The following AFF1 variants were observed in gnomAD, a reference collection of about 807,000 sequenced individuals.
AFF1 encodes AF4/FMR2 family member 1.
A neutral mutation model predicts 121.7 loss-of-function variants in AFF1; 48 were observed. The observed-to-expected ratio is 0.39, with a 90% CI of 0.31 to 0.50. The LOEUF (loss-of-function observed/expected upper bound fraction) is 0.50, where lower values mean the gene tolerates loss of function less well. AFF1 is among the 20% of genes least tolerant of loss of function. The probability of loss-of-function intolerance (pLI) is 0.76; values close to 1 mark genes in which losing one functional copy is unlikely to be tolerated. For missense variants in AFF1, 1,523 were observed against 1,511.7 expected, an observed-to-expected ratio of 1.01 and a Z score of -0.12; for synonymous variants, 613 against 563.0, an observed-to-expected ratio of 1.09 and a Z score of -1.26.
intron 4 of AFF1, among the ~76,000 whole-genome samples, chr4:87,060,478 A>T (rs1720626847): frequency 6.6e-6 from 1 of 152,206 alleles, no homozygotes; most frequent in African/African-American, 2.4e-5. Context: ...GGAATGAGTC[A>T]TCCAAATGGG....
chr4:87,033,505 C>T (rs1408539474), intron 2 of AFF1, among the ~76,000 whole-genome samples: 1 of 152,178 alleles, frequency 6.6e-6, no homozygotes, highest in Non-Finnish European at 1.5e-5. Context: ...GAATGTACCT[C>T]ATTCAGTTTG....
intron 2 of AFF1, among the ~76,000 whole-genome samples, chr4:87,027,873 A>G (rs1728686441): frequency 7.1e-6 from 1 of 140,532 alleles, no homozygotes; most frequent in Admixed American, 7.8e-5. Flanking sequence ...GGCCCATTGC[A>G]ACCTCTGCCT....
chr4:87,108,041 T>C, intron 10 of AFF1, 118 bp from the exon 11 acceptor site: 1 of 1,073,460 alleles, frequency 9.3e-7, no homozygotes, highest in Non-Finnish European at 1.3e-6. Context: ...CATGATAGTT[T>C]AGCAGTGTAT....
chr4:86,940,539 C>A (rs974736365), intron 1 of AFF1, among the ~76,000 whole-genome samples: 5 of 152,110 alleles, frequency 3.3e-5, no homozygotes, highest in Non-Finnish European at 1.5e-5. Flanking sequence ...GCTGGGATCA[C>A]AGGCATGTGC....
rs573435524 is a variant in AFF1, at chr4:86,941,137, C to T, written c.-37+5897C>T. 3.3e-5 allele frequency among the ~76,000 whole-genome samples: 5 copies of T among 152,260 alleles called. No individual in the cohort carries two copies. In the South Asian group the frequency reaches 1.0e-3, roughly 32 times the overall value. On this transcript the variant is annotated intron_variant, in intron 1 of 20. Coordinates refer to ENST00000395146, the MANE Select transcript of AFF1 (RefSeq NM_001166693.3). Reference sequence around the variant, plus strand: ...GGAGAGTTTTATCTTGATTATACTGCATAGTGAACATGCTGCCCTTAGTGC... The same window carrying T: ...GGAGAGTTTTATCTTGATTATACTGTATAGTGAACATGCTGCCCTTAGTGC...
chr4:87,108,617 T>G (rs1466369201), intron 11 of AFF1, among the ~76,000 whole-genome samples: 1 of 152,256 alleles, frequency 6.6e-6, no homozygotes, highest in Non-Finnish European at 1.5e-5. Context: ...GCACACCATT[T>G]TCTTTTCCCT....
intron 2 of AFF1, among the ~76,000 whole-genome samples, chr4:87,031,064 T>TG (rs1164976370): frequency 2.0e-5 from 3 of 151,888 alleles, no homozygotes; most frequent in Admixed American, 6.6e-5. Context: ...TTGTCTGGGG[T>TG]GGGGGTAGGA....
At chr4:87,115,625 T>TTTTTTTTTTTTTTTTCC (rs397994396) in intron 12 of AFF1, among the ~76,000 whole-genome samples, 1 of 102,970 alleles carries the variant, frequency 9.7e-6, no homozygotes, top group African/African-American at 3.3e-5. Context: ...TTTTTTTTTT[T>TTTTTTTTTTTTTTTTCC]CCAAAGACAG....
At chr4:87,045,292 A>G (rs1299822979) in intron 2 of AFF1, among the ~76,000 whole-genome samples, 2 of 152,218 alleles carry the variant, frequency 1.3e-5, no homozygotes, top group East Asian at 1.9e-4. Flanking sequence ...GACAGAAGTC[A>G]TTTTATAGTT....
chr4:87,023,292 C>A (rs1353225701), intron 2 of AFF1, among the ~76,000 whole-genome samples: 1 of 152,102 alleles, frequency 6.6e-6, no homozygotes, highest in Non-Finnish European at 1.5e-5. Flanking sequence ...TGGTGTCAGT[C>A]TCATTTAAAA....
intron 2 of AFF1, among the ~76,000 whole-genome samples, chr4:87,014,707 CAG>C (rs1439832749): frequency 6.6e-6 from 1 of 152,242 alleles, no homozygotes; most frequent in Non-Finnish European, 1.5e-5. Context: ...GTGGTCAAGA[CAG>C]ACCCAAGATT....
At chr4:87,051,015 G>T (rs1190053647) in intron 4 of AFF1, among the ~76,000 whole-genome samples, 2 of 152,198 alleles carry the variant, frequency 1.3e-5, no homozygotes, top group East Asian at 3.8e-4. Flanking sequence ...TTCAGATAAA[G>T]GATTTATGTG....
At chr4:86,952,399 A>T (rs984185788) in intron 2 of AFF1, among the ~76,000 whole-genome samples, 1 of 152,188 alleles carries the variant, frequency 6.6e-6, no homozygotes, top group South Asian at 2.1e-4. Context: ...TGATTTTTCA[A>T]AAAGGTTTAG....
chr4:87,037,759 CAA>C (rs1454202248), intron 2 of AFF1, among the ~76,000 whole-genome samples: 1 of 151,948 alleles, frequency 6.6e-6, no homozygotes, highest in African/African-American at 2.4e-5. Context: ...CACGTTTGCC[CAA>C]GTGTAGAGTC....
intron 1 of AFF1, among the ~76,000 whole-genome samples, chr4:86,947,398 A>C (rs1030623725): frequency 6.6e-6 from 1 of 152,208 alleles, no homozygotes; most frequent in Non-Finnish European, 1.5e-5. Flanking sequence ...ATCGGGAGTA[A>C]GAATAGAGCT....
chr4:86,978,176 A>AATTTTTTTTTTTTTT (rs1723449569), intron 2 of AFF1, among the ~76,000 whole-genome samples: 2 of 22,668 alleles, frequency 8.8e-5, no homozygotes, highest in South Asian at 1.6e-3. Context: ...CATTACATTC[A>AATTTTTTTTTTTTTT]CTTTTTTTTT....
intron 6 of AFF1, 110 bp downstream of exon 6, chr4:87,090,180 G>C: frequency 1.2e-6 from 1 of 857,086 alleles, no homozygotes; most frequent in Non-Finnish European, 1.8e-6. Flanking sequence ...TTGGAAATGA[G>C]GTTAAAATTA....
intron 2 of AFF1, among the ~76,000 whole-genome samples, chr4:87,039,812 G>C (rs1299820579): frequency 6.6e-6 from 1 of 152,170 alleles, no homozygotes; most frequent in Non-Finnish European, 1.5e-5. Context: ...AGAACTCATG[G>C]TGTCTGTGGA....
chr4:87,010,737 A>G (rs1038723061), intron 2 of AFF1, among the ~76,000 whole-genome samples: 9 of 152,184 alleles, frequency 5.9e-5, no homozygotes, highest in Admixed American at 5.9e-4. Flanking sequence ...AGATCCCTGA[A>G]TTCTAGAAAG....
Sources: allele counts gnomAD v4.1 joint callset (sites outside exome capture counted in the v4.1 genomes callset), GRCh38; gene constraint gnomAD v4.1.1; transcripts MANE v1.5; gene names NCBI Gene and HGNC (gene_info 2026-07-23, HGNC 2026-07-21).